The following FOLR3 variants were observed in gnomAD, a reference collection of about 807,000 sequenced individuals.
The protein encoded by FOLR3 is folate receptor gamma.
A neutral mutation model predicts 20.0 loss-of-function variants in FOLR3; 9 were observed. The ratio of observed to expected loss-of-function variants is 0.45; its 90% confidence interval spans 0.27 to 0.79. The LOEUF (loss-of-function observed/expected upper bound fraction) is 0.79, where lower values mean the gene tolerates loss of function less well. FOLR3 is among the 30% of genes least tolerant of loss of function. The pLI is 0.15. For synonymous variants in FOLR3, 124 were observed against 115.5 expected (o/e 1.07, Z -0.47); for missense variants, 309 against 323.5 (o/e 0.96, Z 0.34).
At position 72,136,034 on chromosome 11, in the gene FOLR3, C is replaced by A. The variant is rs1802609; in HGVS notation, c.82C>A (p.Arg28=). The A allele has an allele frequency of 0.052, 83,271 of 1,613,770 alleles. 2,872 individuals are homozygous for A. The highest frequency in any genetic ancestry group is 0.16 in the African/African-American group (11,870 of 74,948). Residue 28 remains arginine, a synonymous_variant, in exon 2 of 5, where the codon CGG becomes AGG. Coordinates refer to ENST00000611028, the MANE Select transcript of FOLR3 (RefSeq NM_000804.4). ...GGGGAGTGCCCAGCCCAGGAGTGCG[C>A]GGGCCAGGACGGACCTGCTCAATGT... is the stretch of plus-strand genomic sequence containing the variant. ...AAGSAQPRSA[R]ARTDLLNVCM...
rs1421641784 is a variant in FOLR3 at position 72,139,609 on chromosome 11, G to A, written c.516G>A (p.Gly172=). ...CAGGGATTAATGAGTGTCCGGCCGG[G>A]GCCCTCTGCAGCACCTTTGAGTCCT... ...WTSGINECPA[G]ALCSTFESYF... Residue 172 remains glycine, a synonymous_variant, in exon 5 of 5, where the codon GGG becomes GGA. Coordinates refer to ENST00000611028, the MANE Select transcript of FOLR3 (RefSeq NM_000804.4). 5 of 1,613,748 alleles carry A rather than the reference G, an allele frequency of 3.1e-6. No individual in the cohort carries two copies. In the South Asian group the frequency reaches 5.5e-5, roughly 18 times the overall value.
intron 2 of FOLR3, among the ~76,000 whole-genome samples, chr11:72,138,524 G>A (rs186622931): frequency 5.3e-4 from 80 of 152,170 alleles, no homozygotes; most frequent in Non-Finnish European, 1.0e-3. Flanking sequence ...GGTGGCTCAC[G>A]CCTCTAATCT....
chr11:72,139,263 C>T, intron 3 of FOLR3, 84 bp from the exon 4 acceptor site: 1 of 1,553,382 alleles, frequency 6.4e-7, no homozygotes, highest in Non-Finnish European at 8.7e-7. Context: ...ACGCCCTGCC[C>T]CCTCCCACAG....
At position 72,136,059 on chromosome 11, in the gene FOLR3, T is replaced by G; in HGVS notation, c.107T>G (p.Val36Gly). ...SARARTDLLN[V>G]CMNAKHHKTQ... ...CGGGCCAGGACGGACCTGCTCAATG[T>G]CTGCATGAACGCCAAGCACCACAAG... The change falls in exon 2 of 5, where the codon GTC (valine) becomes GGC (glycine). Residue 36 changes from valine to glycine, a missense_variant. Coordinates refer to ENST00000611028, the MANE Select transcript of FOLR3 (RefSeq NM_000804.4). The G allele has an allele frequency of 6.2e-7, 1 of 1,614,020 alleles. No individual in the cohort carries two copies. Among genetic ancestry groups the G allele is most frequent in the Middle Eastern group, 1.6e-4 (1 of 6,062 alleles).
At position 72,139,589 on chromosome 11, in the gene FOLR3, A is replaced by G; in HGVS notation, c.496A>G (p.Ile166Val). Residue 166 changes from isoleucine (I) to valine (V), a missense_variant and splice_region_variant, in exon 5 of 5, where the codon ATT becomes GTT. Coordinates refer to ENST00000611028, the MANE Select transcript of FOLR3 (RefSeq NM_000804.4). ...GGTCTTACGTTCTCCTCCCTCAGGG[A>G]TTAATGAGTGTCCGGCCGGGGCCCT... The part of the protein sequence containing the change: ...WHKGWNWTSG[I>V]NECPAGALCS... The G allele has an allele frequency of 6.2e-7, 1 of 1,613,858 alleles. No homozygotes were observed. Among genetic ancestry groups the G allele is most frequent in the Non-Finnish European group, 8.5e-7 (1 of 1,179,884 alleles).
chr11:72,137,170 A>G (rs1431999360), intron 2 of FOLR3, among the ~76,000 whole-genome samples: 3 of 152,118 alleles, frequency 2.0e-5, no homozygotes, highest in Non-Finnish European at 4.4e-5. Flanking sequence ...CAGCCCAGAA[A>G]TTTTATGCAA....
At position 72,138,445 on chromosome 11, in the gene FOLR3, CAGTGGCTCT is replaced by C. The variant is rs371185548; in HGVS notation, c.169-515_169-507del. Among the ~76,000 whole-genome samples the C allele has an allele frequency of 2.5e-4, 38 of 152,276 alleles. 1 individual carries two copies. Among genetic ancestry groups the C allele is most frequent in the African/African-American group, 7.5e-4 (31 of 41,560 alleles). On this transcript the variant is annotated intron_variant, in intron 2 of 4. Coordinates refer to ENST00000611028, the MANE Select transcript of FOLR3 (RefSeq NM_000804.4). ...TACTACTAATAATTACTCTCTCAGA[CAGTGGCTCT>C]CCCTCATCTCCTATATCCCGTGGAT...
Position 72,139,084 on chromosome 11 carries a change from C to T in FOLR3, c.292C>T (p.Arg98Cys), listed in dbSNP as rs61734430. The T allele has an allele frequency of 0.048, 75,978 of 1,594,208 alleles. 2,020 individuals carry two copies. Among genetic ancestry groups the T allele is most frequent in the Non-Finnish European group, 0.055 (64,621 of 1,173,502 alleles). Residue 98 changes from arginine (R) to cysteine (C), a missense_variant, in exon 3 of 5, where the codon CGC becomes TGC. By Grantham distance (180) the Arg-to-Cys change is radical. Transcript: ENST00000611028. ...TGGTAAGATGGAACCCACCTGCAAG[C>T]GCCACTTTATCCAGGACAGCTGTCT... Reference protein sequence around the residue: ...HCGKMEPTCKRHFIQDSCLYE... With the variant: ...HCGKMEPTCKCHFIQDSCLYE...
Position 72,139,813 on chromosome 11 carries a change from T to G in FOLR3, c.720T>G (p.Arg240=), listed in dbSNP as rs748915541. 1.1e-5 allele frequency: 17 copies of G among 1,613,962 alleles called. No homozygotes were observed. The highest frequency in any genetic ancestry group is 1.4e-5 in the Non-Finnish European group (17 of 1,179,856). ...AAAMNAGAPS[R]GIIDS ...CCATGAATGCTGGGGCCCCGTCTCG[T>G]GGGATTATTGATTCCTGATCCAAGA... Residue 240 remains arginine (R), a synonymous_variant, in exon 5 of 5, where the codon CGT becomes CGG. Coordinates refer to ENST00000611028, the MANE Select transcript of FOLR3 (RefSeq NM_000804.4).
At chr11:72,136,747 T>C (rs942984031) in intron 2 of FOLR3, among the ~76,000 whole-genome samples, 13 of 152,218 alleles carry the variant, frequency 8.5e-5, no homozygotes, top group African/African-American at 2.4e-5. Flanking sequence ...GGTGTGGATG[T>C]AGACCTTTGA....
intron 2 of FOLR3, among the ~76,000 whole-genome samples, chr11:72,136,388 CTGGGGA>C (rs1947742943): frequency 6.6e-6 from 1 of 152,088 alleles, no homozygotes; most frequent in Non-Finnish European, 1.5e-5. Flanking sequence ...TCCCAGAGGG[CTGGGGA>C]TGTGCCTAGG....
In FOLR3 at chr11:72,136,270, A is replaced by G. The variant is rs542834707; in HGVS notation, c.168+150A>G. 5.9e-6 allele frequency: 5 copies of G among 846,148 alleles called. No homozygotes were observed. The East Asian group carries it at 1.0e-4, about 17-fold the overall frequency. The allele number at this position is 846,148 out of a possible 1,614,324, so 52.4% of individuals were successfully genotyped here. On this transcript the variant is annotated intron_variant, in intron 2 of 4. Coordinates refer to ENST00000611028, the MANE Select transcript of FOLR3 (RefSeq NM_000804.4). ...GGGCCACCATGCCACAGGTAAGGCC[A>G]CTGAGGCAGCTTGGGGAATATGAGC...
At chr11:72,139,224 G>C (rs895757624) in intron 3 of FOLR3, 75 bp downstream of exon 3, 25 of 1,564,730 alleles carry the variant, frequency 1.6e-5, no homozygotes, top group African/African-American at 1.2e-4. Context: ...GGAGGGCTTG[G>C]TCCAGGAATT....
chr11:72,136,333 T>G (rs1426786632), intron 2 of FOLR3, among the ~76,000 whole-genome samples: 2 of 152,054 alleles, frequency 1.3e-5, no homozygotes, highest in Non-Finnish European at 2.9e-5. Context: ...GTGCTTGTAT[T>G]TCATTCCTCT....
chr11:72,138,775 TA>T lies in FOLR3; in HGVS notation c.169-183del. 7.4e-6 allele frequency: 5 copies of T among 679,692 alleles called. No individual in the cohort carries two copies. The South Asian group carries it at 9.2e-5, about 12-fold the overall frequency. The allele number at this position is 679,692 out of a possible 1,614,324, so 42.1% of individuals were successfully genotyped here. ...CAACAGAGCAAGACCCTGTCTCAAA[TA>T]AATAAATGAATAAATAGGGCGGAAA... On this transcript the variant is annotated intron_variant, in intron 2 of 4. Coordinates refer to ENST00000611028, the MANE Select transcript of FOLR3 (RefSeq NM_000804.4).
rs149738929 is a variant in FOLR3 at position 72,139,506 on chromosome 11, G to A, written c.493+24G>A. On this transcript the variant is annotated intron_variant, in intron 4 of 4. Transcript: ENST00000611028. ...AGGTGAGGACCTGAGGAGATAAGATGAGGAGTGGGAGTGGGGCTTTGGGGT... is the reference window on the plus strand; with the variant it reads ...AGGTGAGGACCTGAGGAGATAAGATAAGGAGTGGGAGTGGGGCTTTGGGGT... 8.0e-4 allele frequency: 1,292 copies of A among 1,613,486 alleles called. 10 individuals are homozygous for A. The African/African-American group carries it at 0.015, about 19-fold the overall frequency.
At chr11:72,139,255 G>T in intron 3 of FOLR3, 92 bp from the exon 4 acceptor site, 1 of 1,549,650 alleles carries the variant, frequency 6.5e-7, no homozygotes, top group Non-Finnish European at 8.7e-7. Flanking sequence ...GGTGGTGGAC[G>T]CCCTGCCCCC....
Position 72,135,992 on chromosome 11 carries a change from G to T in FOLR3, c.40G>T (p.Ala14Ser), listed in dbSNP as rs1167451558. The change falls in exon 2 of 5, where the codon GCT becomes TCT. Residue 14 changes from alanine to serine, a missense_variant. Coordinates refer to ENST00000611028, the MANE Select transcript of FOLR3 (RefSeq NM_000804.4). ...AWQMMQLLLL[A>S]LVTAAGSAQP... ...GCAGATGATGCAGCTGCTGCTTCTG[G>T]CTTTGGTGACTGCTGCGGGGAGTGC... The T allele has an allele frequency of 5.3e-5, 85 of 1,613,826 alleles. No homozygotes were observed. The highest frequency in any genetic ancestry group is 7.0e-5 in the Non-Finnish European group (82 of 1,179,850).
chr11:72,136,848 C>T (rs537805304), intron 2 of FOLR3, among the ~76,000 whole-genome samples: 1 of 152,296 alleles, frequency 6.6e-6, no homozygotes, highest in African/African-American at 2.4e-5. Context: ...GAGTTCTTCT[C>T]ATTGTACTCA....
Sources: allele counts gnomAD v4.1 joint callset (sites outside exome capture counted in the v4.1 genomes callset), GRCh38; gene constraint gnomAD v4.1.1; transcripts MANE v1.5; gene names NCBI Gene and HGNC (gene_info 2026-07-23, HGNC 2026-07-21).